CYTH1: variants seen among roughly 807,000 people sequenced by gnomAD.
The protein encoded by CYTH1 is cytohesin 1.
CYTH1 carries 18 observed loss-of-function variants against 61.8 expected under a neutral mutation model. The ratio of observed to expected loss-of-function variants is 0.29; its 90% CI spans 0.20 to 0.43. The LOEUF is 0.43. CYTH1 is among the 20% of genes least tolerant of loss of function. The pLI, the probability that CYTH1 is intolerant of heterozygous loss-of-function variation, is 1.00. For synonymous variants in CYTH1, 174 were observed against 184.3 expected (o/e 0.94, Z 0.45); for missense variants, 336 against 510.5 (o/e 0.66, Z 3.29).
chr17:78,762,292 G>A (rs2093432138), intron 1 of CYTH1, among the ~76,000 whole-genome samples: 1 of 152,168 alleles, frequency 6.6e-6, no homozygotes, highest in Non-Finnish European at 1.5e-5. Flanking sequence ...AGTGGAAAGG[G>A]CGGCTTTTTT....
chr17:78,723,091 A>G (rs1016458773), intron 1 of CYTH1: 1 of 152,512 alleles, frequency 6.6e-6, no homozygotes, highest in Non-Finnish European at 1.5e-5. Flanking sequence ...AGACATGCAG[A>G]GAGACAGCCA....
intron 1 of CYTH1, among the ~76,000 whole-genome samples, chr17:78,761,674 C>G (rs1175565985): frequency 1.3e-5 from 2 of 152,042 alleles, no homozygotes; most frequent in Non-Finnish European, 2.9e-5. Context: ...GGAGGCGGAG[C>G]TTGCAGTGAG....
At chr17:78,734,093 T>C (rs1233923135) in intron 1 of CYTH1, among the ~76,000 whole-genome samples, 1 of 151,768 alleles carries the variant, frequency 6.6e-6, no homozygotes, top group Non-Finnish European at 1.5e-5. Flanking sequence ...CTGCAAAAAA[T>C]ACAAAAATTA....
At chr17:78,770,197 G>A (rs781118911) in intron 1 of CYTH1, among the ~76,000 whole-genome samples, 1 of 150,982 alleles carries the variant, frequency 6.6e-6, no homozygotes. Flanking sequence ...GGTGGCGGGT[G>A]TCTGTAATCC....
chr17:78,743,374 G>A (rs1218296154), intron 1 of CYTH1, among the ~76,000 whole-genome samples: 2 of 152,030 alleles, frequency 1.3e-5, no homozygotes, highest in East Asian at 3.9e-4. Context: ...TTCCAGCTTC[G>A]CTCCCGTGTC....
chr17:78,716,396 C>A (rs1179620466), intron 1 of CYTH1, among the ~76,000 whole-genome samples: 1 of 152,072 alleles, frequency 6.6e-6, no homozygotes, highest in Non-Finnish European at 1.5e-5. Flanking sequence ...AAAAGATAGC[C>A]CTTCTGTGTC....
intron 1 of CYTH1, among the ~76,000 whole-genome samples, chr17:78,778,311 AAAAAAAAAAG>A (rs1187359056): frequency 2.7e-5 from 4 of 146,904 alleles, no homozygotes; most frequent in Non-Finnish European, 6.0e-5. Context: ...AAAAAAAAAA[AAAAAAAAAAG>A]GGAAAAAAAA....
chr17:78,722,443 G>C (rs934360157), intron 1 of CYTH1, among the ~76,000 whole-genome samples: 1 of 152,104 alleles, frequency 6.6e-6, no homozygotes, highest in Non-Finnish European at 1.5e-5. Context: ...GGAAAGCCTG[G>C]AGTTCCCTCT....
chr17:78,722,044 T>A (rs947159961), intron 1 of CYTH1, among the ~76,000 whole-genome samples: 1 of 151,990 alleles, frequency 6.6e-6, no homozygotes, highest in African/African-American at 2.4e-5. Flanking sequence ...CAAAACTCCA[T>A]CTCACAAAAC....
In CYTH1 at chr17:78,782,128, G is replaced by C. The variant is rs1598937995; in HGVS notation, c.22+74C>G. On this transcript the variant is annotated intron_variant, in intron 1 of 13. Coordinates refer to ENST00000446868, the MANE Select transcript of CYTH1 (RefSeq NM_004762.6). Reference sequence around the variant, plus strand: ...CCGGGAAACGCCAGCCGCCGCAAGCGCTGCCGGACGGCCGGGCCCGGAGGG... The same window carrying C: ...CCGGGAAACGCCAGCCGCCGCAAGCCCTGCCGGACGGCCGGGCCCGGAGGG... 9 of 1,196,798 alleles carry C rather than the reference G, an allele frequency of 7.5e-6. No individual in the cohort carries two copies. In the African/African-American group the frequency reaches 9.7e-5, roughly 13 times the overall value. The allele number at this position is 1,196,798 out of a possible 1,614,324, so 74.1% of individuals were successfully genotyped here.
At chr17:78,681,075 T>A (rs931724831) in intron 11 of CYTH1, 33 bp from the exon 12 acceptor site, 1 of 1,607,268 alleles carries the variant, frequency 6.2e-7, no homozygotes, top group Non-Finnish European at 8.5e-7. Context: ...AAGTTTAAGA[T>A]CACAGTTTAA....
At chr17:78,744,793 G>A (rs550273381) in intron 1 of CYTH1, among the ~76,000 whole-genome samples, 1 of 145,548 alleles carries the variant, frequency 6.9e-6, no homozygotes, top group East Asian at 2.0e-4. Context: ...TCATGACACA[G>A]ACTTTTTAGC....
At chr17:78,765,956 T>C (rs767626883) in intron 1 of CYTH1, among the ~76,000 whole-genome samples, 4 of 151,940 alleles carry the variant, frequency 2.6e-5, no homozygotes, top group Non-Finnish European at 4.4e-5. Flanking sequence ...AATGAGGCCC[T>C]GTCAAAAACC....
At chr17:78,678,888 C>CA (rs1223108511) in intron 13 of CYTH1, among the ~76,000 whole-genome samples, 1 of 152,258 alleles carries the variant, frequency 6.6e-6, no homozygotes, top group East Asian at 1.9e-4. Context: ...CTCAGAGAGA[C>CA]AGAGCGAGGA....
At chr17:78,727,713 C>A in intron 1 of CYTH1, 1 of 471,162 alleles carries the variant, frequency 2.1e-6, no homozygotes, top group Non-Finnish European at 4.4e-6. Flanking sequence ...GCGAGTGCAT[C>A]CTTCTGGTGC....
At position 78,675,948 on chromosome 17, in the gene CYTH1, T is replaced by C; in HGVS notation, c.*143A>G. 6.5e-7 allele frequency: 1 copy of C among 1,547,552 alleles called. No individual in the cohort carries two copies. The highest frequency in any genetic ancestry group is 8.7e-7 in the Non-Finnish European group (1 of 1,145,432). On this transcript the variant is annotated 3_prime_UTR_variant, in exon 14 of 14. Transcript: ENST00000446868. ...CCACCCTTCTCCCACTTAAAAAAAA[T>C]AGCAAAAGCTGAAGCTAGTCTCTAG... is the stretch of plus-strand genomic sequence containing the variant.
intron 2 of CYTH1, 73 bp downstream of exon 2, chr17:78,709,577 G>T: frequency 6.6e-7 from 1 of 1,521,392 alleles, no homozygotes; most frequent in Non-Finnish European, 9.1e-7. Flanking sequence ...ACTCTGCAAA[G>T]GACACCCTTT....
At chr17:78,777,458 C>A (rs1223540975) in intron 1 of CYTH1, among the ~76,000 whole-genome samples, 1 of 151,964 alleles carries the variant, frequency 6.6e-6, no homozygotes, top group Non-Finnish European at 1.5e-5. Context: ...AATAAATAAA[C>A]AAACCAGTAA....
intron 1 of CYTH1, among the ~76,000 whole-genome samples, chr17:78,736,248 A>G (rs1322391604): frequency 6.6e-6 from 1 of 152,182 alleles, no homozygotes; most frequent in Admixed American, 6.5e-5. Flanking sequence ...AGTTCTGACC[A>G]ACTGTTATTT....
Sources: gnomAD v4.1 joint callset for allele counts (sites outside exome capture counted in the v4.1 genomes callset) on GRCh38, gnomAD v4.1.1 for gene constraint, MANE v1.5 for transcripts, NCBI Gene and HGNC (gene_info 2026-07-23, HGNC 2026-07-21) for gene names.